The following SEC61B variants were observed in gnomAD, a reference collection of about 807,000 sequenced individuals.
SEC61B encodes SEC61 translocon subunit beta, also known as protein transport protein Sec61 subunit beta.
SEC61B carries 7 observed loss-of-function variants against 12.6 expected under a neutral mutation model. That is an observed-to-expected ratio of 0.55 (90% confidence interval 0.32 to 1.04). The LOEUF (loss-of-function observed/expected upper bound fraction) is 1.04. Ranked by LOEUF, SEC61B falls within the 50% of genes least tolerant of loss-of-function variation. SEC61B has a pLI of 0.05. For missense variants in SEC61B, 107 were observed against 130.1 expected, an observed-to-expected ratio of 0.82 and a Z score of 0.86; for synonymous variants, 54 against 50.1, an observed-to-expected ratio of 1.08 and a Z score of -0.33.
intron 2 of SEC61B, 52 bp from the exon 3 acceptor site, chr9:99,227,847 T>A (rs1323729130): frequency 7.8e-7 from 1 of 1,279,374 alleles, no homozygotes; most frequent in Admixed American, 1.8e-5. Flanking sequence ...GTTATAATGC[T>A]ATTCTAATAA....
intron 2 of SEC61B, among the ~76,000 whole-genome samples, chr9:99,226,643 C>T (rs1163112468): frequency 6.6e-6 from 1 of 152,142 alleles, no homozygotes; most frequent in African/African-American, 2.4e-5. Flanking sequence ...TTGCCCCTTA[C>T]CCCCATATTG....
At position 99,222,572 on chromosome 9, in the gene SEC61B, C is replaced by G. The variant is rs1284918284; in HGVS notation, c.30C>G (p.Asn10Lys). The G allele has an allele frequency of 6.4e-7, 1 of 1,570,326 alleles. No individual in the cohort carries two copies. The highest frequency in any genetic ancestry group is 1.4e-5 in the African/African-American group (1 of 73,770). The change falls in exon 2 of 4, where the codon AAC (asparagine) becomes AAG (lysine). Residue 10 changes from asparagine (N) to lysine (K), a missense_variant. Coordinates refer to ENST00000223641, the MANE Select transcript of SEC61B (RefSeq NM_006808.3). ...CTGGTCCGACCCCCAGTGGCACTAA[C>G]GTGGGATCCTCAGGGCGCTCTCCCA... MPGPTPSGT[N>K]VGSSGRSPSK... is the part of the protein sequence containing the mutation.
At position 99,222,388 on chromosome 9, in the gene SEC61B, C is replaced by T. The variant is rs1220408587; in HGVS notation, c.3+22C>T. 6.2e-6 allele frequency: 10 copies of T among 1,613,998 alleles called. No homozygotes were observed. The African/African-American group carries it at 6.7e-5, about 11-fold the overall frequency. ...TATGGTATGGCGGCCCTTCCATGAT[C>T]CCCGCCTCTCCCAGAAGCCCTGACT... On this transcript the variant is annotated intron_variant, in intron 1 of 3. Transcript: ENST00000223641.
chr9:99,225,459 G>A (rs572472596), intron 2 of SEC61B, among the ~76,000 whole-genome samples: 75 of 152,270 alleles, frequency 4.9e-4, no homozygotes, highest in African/African-American at 1.7e-3. Flanking sequence ...GAGTGGGTAA[G>A]TATGAAGATT....
In SEC61B at chr9:99,222,583, C is replaced by T. The variant is rs1239302271; in HGVS notation, c.41C>T (p.Ser14Leu). The T allele has an allele frequency of 2.6e-6, 4 of 1,562,970 alleles. No individual in the cohort carries two copies. The highest frequency in any genetic ancestry group is 3.5e-6 in the Non-Finnish European group (4 of 1,153,716). ...CCCAGTGGCACTAACGTGGGATCCT[C>T]AGGGCGCTCTCCCAGCAAAGCAGTG... ...PTPSGTNVGS[S>L]GRSPSKAVAA... Residue 14 changes from serine (S) to leucine (L), a missense_variant, in exon 2 of 4, where the codon TCA (serine) becomes TTA (leucine). Coordinates refer to ENST00000223641, the MANE Select transcript of SEC61B (RefSeq NM_006808.3).
At position 99,223,959 on chromosome 9, in the gene SEC61B, G is replaced by A. The variant is rs559205674; in HGVS notation, c.101+1316G>A. ...TTATCTCCTTCATTAGACTTTAACA[G>A]AGAACCTGCTCAAGTCATTTCTATC... On this transcript the variant is annotated intron_variant, in intron 2 of 3. Coordinates refer to ENST00000223641, the MANE Select transcript of SEC61B (RefSeq NM_006808.3). Among the ~76,000 whole-genome samples, 5 of 152,250 alleles carry A rather than the reference G, an allele frequency of 3.3e-5. No homozygotes were observed. In the East Asian group the frequency reaches 9.6e-4, roughly 29 times the overall value.
At chr9:99,224,738 G>A (rs148576143) in intron 2 of SEC61B, among the ~76,000 whole-genome samples, 1 of 152,196 alleles carries the variant, frequency 6.6e-6, no homozygotes, top group Admixed American at 6.5e-5. Flanking sequence ...TTTCCTTCTA[G>A]AATGGTAGTG....
intron 2 of SEC61B, among the ~76,000 whole-genome samples, chr9:99,227,050 G>T (rs1226808528): frequency 6.6e-6 from 1 of 152,132 alleles, no homozygotes; most frequent in East Asian, 1.9e-4. Flanking sequence ...GGCAGATCAT[G>T]AGGTCAGGAG....
chr9:99,230,405 G>T lies in SEC61B; in HGVS notation c.272G>T (p.Gly91Val). ...IASVFMLHIW[G>V]KYTRS Reference sequence around the variant, plus strand: ...TCTGTATTTATGTTGCACATTTGGGGCAAGTACACTCGTTCGTAGATTCAG... The same window carrying T: ...TCTGTATTTATGTTGCACATTTGGGTCAAGTACACTCGTTCGTAGATTCAG... Residue 91 changes from glycine to valine, a missense_variant, in exon 4 of 4, where the codon GGC (glycine) becomes GTC (valine). Physicochemically the swap from Gly to Val is moderately radical, Grantham distance 109. Transcript: ENST00000223641. The T allele has an allele frequency of 1.9e-6, 3 of 1,608,734 alleles. No individual in the cohort carries two copies. The highest frequency in any genetic ancestry group is 2.5e-6 in the Non-Finnish European group (3 of 1,177,086).
At chr9:99,228,868 G>T (rs954162059) in intron 3 of SEC61B, among the ~76,000 whole-genome samples, 1 of 152,128 alleles carries the variant, frequency 6.6e-6, no homozygotes, top group Non-Finnish European at 1.5e-5. Context: ...CATGCTCAAA[G>T]ACACACAACA....
chr9:99,222,539 T>A lies in SEC61B; in HGVS notation c.4-7T>A, dbSNP rs1828840775. ...TCACCCGTCTGTCTGCTTGTCTCCC[T>A]CTACAGCCTGGTCCGACCCCCAGTG... On this transcript the variant is annotated splice_region_variant and splice_polypyrimidine_tract_variant and intron_variant, in intron 1 of 3. Transcript: ENST00000223641. 3 of 1,595,362 alleles carry A rather than the reference T, an allele frequency of 1.9e-6. No individual in the cohort carries two copies. In the East Asian group the frequency reaches 6.8e-5, roughly 36 times the overall value.
chr9:99,227,800 T>C (rs1270234732), intron 2 of SEC61B, 99 bp from the exon 3 acceptor site: 1 of 841,394 alleles, frequency 1.2e-6, no homozygotes, highest in Non-Finnish European at 1.8e-6. Context: ...AAGTTTTTTT[T>C]TTTTGATTCC....
chr9:99,223,867 C>G (rs1828866145), intron 2 of SEC61B, among the ~76,000 whole-genome samples: 1 of 152,232 alleles, frequency 6.6e-6, no homozygotes, highest in Non-Finnish European at 1.5e-5. Flanking sequence ...GCAGTAGCTA[C>G]TAGTTTTCCC....
At chr9:99,222,446 G>C (rs960675534) in intron 1 of SEC61B, 80 bp downstream of exon 1, 21 of 1,609,422 alleles carry the variant, frequency 1.3e-5, no homozygotes, top group Non-Finnish European at 1.7e-5. Context: ...TTCCTCTGTA[G>C]CTCCCTTGCT....
intron 3 of SEC61B, among the ~76,000 whole-genome samples, chr9:99,228,540 G>A (rs768927256): frequency 2.6e-5 from 4 of 152,172 alleles, no homozygotes; most frequent in Non-Finnish European, 4.4e-5. Context: ...GCATTGGAGT[G>A]CTCATTAGGT....
At chr9:99,223,540 C>T (rs1395388489) in intron 2 of SEC61B, among the ~76,000 whole-genome samples, 2 of 152,064 alleles carry the variant, frequency 1.3e-5, no homozygotes, top group Non-Finnish European at 1.5e-5. Context: ...ACTGCAGGCA[C>T]GTGCCACCAC....
chr9:99,222,374 G>A lies in SEC61B; in HGVS notation c.3+8G>A. On this transcript the variant is annotated splice_region_variant and intron_variant, in intron 1 of 3. Transcript: ENST00000223641. ...ACCCTCATCTCCAATATGGTATGGC[G>A]GCCCTTCCATGATCCCCGCCTCTCC... is the stretch of plus-strand genomic sequence containing the variant. 1.2e-6 allele frequency: 2 copies of A among 1,614,102 alleles called. No homozygotes were observed. The highest frequency in any genetic ancestry group is 1.7e-6 in the Non-Finnish European group (2 of 1,180,004).
At chr9:99,222,866 C>G in intron 2 of SEC61B, 1 of 471,946 alleles carries the variant, frequency 2.1e-6, no homozygotes, top group Non-Finnish European at 3.7e-6. Context: ...AGTTAACAAA[C>G]TGGAATAGAG....
intron 2 of SEC61B, among the ~76,000 whole-genome samples, chr9:99,224,307 T>C (rs112705981): frequency 6.6e-6 from 1 of 152,086 alleles, no homozygotes; most frequent in Non-Finnish European, 1.5e-5. Flanking sequence ...TCATGAGGAG[T>C]GTATCAGGCT....
Sources: gnomAD v4.1 joint callset for allele counts (sites outside exome capture counted in the v4.1 genomes callset) on GRCh38, gnomAD v4.1.1 for gene constraint, MANE v1.5 for transcripts, NCBI Gene and HGNC (gene_info 2026-07-23, HGNC 2026-07-21) for gene names.